Variants in SIK2 observed in about 807,000 individuals in gnomAD.
SIK2 encodes the protein serine/threonine-protein kinase SIK2.
A neutral mutation model predicts 103.2 loss-of-function variants in SIK2; 29 were observed. The ratio of observed to expected loss-of-function variants is 0.28; its 90% CI spans 0.21 to 0.38. The LOEUF (loss-of-function observed/expected upper bound fraction) is 0.38. SIK2 is among the 10% of genes least tolerant of loss of function. The pLI is 1.00. For synonymous variants in SIK2, 412 were observed against 446.1 expected, an observed-to-expected ratio of 0.92 and a Z score of 0.96; for missense variants, 879 against 1,171.0, an observed-to-expected ratio of 0.75 and a Z score of 3.64.
At chr11:111,624,071 A>G (rs1039725474) in intron 3 of SIK2, among the ~76,000 whole-genome samples, 9 of 152,226 alleles carry the variant, frequency 5.9e-5, no homozygotes, top group Non-Finnish European at 8.8e-5. Flanking sequence ...TTGTTGTTGA[A>G]GATGGGAAGG....
Position 111,722,027 on chromosome 11 carries a change from T to C in SIK2, c.2055+87T>C. 9.9e-7 allele frequency: 1 copy of C among 1,010,236 alleles called. No individual in the cohort carries two copies. Among genetic ancestry groups the C allele is most frequent in the South Asian group, 1.9e-5 (1 of 53,676 alleles). The allele number at this position is 1,010,236 out of a possible 1,614,324, so 62.6% of individuals were successfully genotyped here. On this transcript the variant is annotated intron_variant, in intron 13 of 14. Transcript: ENST00000304987. The surrounding 1 kb of genome is among the most constrained non-coding windows in gnomAD (Gnocchi z 4.4). ...AGCAGAAACGTGTTTTGCCTGGCATTTATTTAGGGTAGCTGCTTGATTCCT... is the reference window on the plus strand; with the variant it reads ...AGCAGAAACGTGTTTTGCCTGGCATCTATTTAGGGTAGCTGCTTGATTCCT...
chr11:111,712,596 G>A (rs1241930477), intron 9 of SIK2, among the ~76,000 whole-genome samples: 4 of 152,166 alleles, frequency 2.6e-5, no homozygotes, highest in Admixed American at 2.0e-4. Flanking sequence ...GTCAGACCTC[G>A]TGGACTTCTG....
At chr11:111,605,840 G>A (rs1317936319) in intron 1 of SIK2, among the ~76,000 whole-genome samples, 1 of 152,188 alleles carries the variant, frequency 6.6e-6, no homozygotes, top group Non-Finnish European at 1.5e-5. Flanking sequence ...CATTGTTTAT[G>A]AAATATAATT....
chr11:111,693,186 G>C (rs1942990655), intron 4 of SIK2, among the ~76,000 whole-genome samples: 1 of 152,128 alleles, frequency 6.6e-6, no homozygotes, highest in South Asian at 2.1e-4. Flanking sequence ...ACAAAAATTA[G>C]CTGGGCATGG....
chr11:111,610,367 G>C (rs1329106901), intron 1 of SIK2, among the ~76,000 whole-genome samples: 3 of 151,878 alleles, frequency 2.0e-5, no homozygotes, highest in Non-Finnish European at 4.4e-5. Context: ...GTGCATGCCT[G>C]TAATCCCAGC....
In SIK2 at chr11:111,703,387, G is replaced by A. The variant is rs1386983975; in HGVS notation, c.912G>A (p.Met304Ile). 1 of 1,613,876 alleles carries A rather than the reference G, an allele frequency of 6.2e-7. No homozygotes were observed. The highest frequency in any genetic ancestry group is 1.3e-5 in the African/African-American group (1 of 74,932). ...TTAATGAGCAGGTTCTGCGACTGAT[G>A]CACAGCCTTGGAATAGATCAGCAGA... ...GEFNEQVLRL[M>I]HSLGIDQQKT... The change falls in exon 7 of 15, where the codon ATG (methionine) becomes ATA (isoleucine). Residue 304 changes from methionine (M) to isoleucine (I), a missense_variant. Met to Ile is a conservative substitution (Grantham distance 10). Coordinates refer to ENST00000304987, the MANE Select transcript of SIK2 (RefSeq NM_015191.3).
Position 111,701,623 on chromosome 11 carries a change from C to A in SIK2, c.727+48C>A. The stretch of plus-strand genomic sequence containing the variant: ...AATGGTGTTTTACAGTGTTAGTGCT[C>A]CAAGTGAAATGCCTAGGTAAAAGCT... On this transcript the variant is annotated intron_variant, in intron 6 of 14. Coordinates refer to ENST00000304987, the MANE Select transcript of SIK2 (RefSeq NM_015191.3). This position sits in a 1 kb window ranked among gnomAD's most constrained non-coding sequence, Gnocchi z 4.2. The A allele has an allele frequency of 6.3e-7, 1 of 1,586,288 alleles. No homozygotes were observed. The highest frequency in any genetic ancestry group is 1.2e-5 in the South Asian group (1 of 86,652).
chr11:111,687,132 T>C (rs1274172817), intron 3 of SIK2, among the ~76,000 whole-genome samples: 1 of 152,174 alleles, frequency 6.6e-6, no homozygotes, highest in Admixed American at 6.5e-5. Context: ...AAAAAAATCA[T>C]GTTGAGTTGT....
chr11:111,629,531 G>C (rs1942009995), intron 3 of SIK2, among the ~76,000 whole-genome samples: 2 of 152,330 alleles, frequency 1.3e-5, no homozygotes, highest in South Asian at 4.1e-4. Context: ...TAGATTTTAA[G>C]TATGGTTTGG....
chr11:111,644,856 C>T (rs941471149), intron 3 of SIK2, among the ~76,000 whole-genome samples: 1 of 152,112 alleles, frequency 6.6e-6, no homozygotes, highest in African/African-American at 2.4e-5. Flanking sequence ...CACTGAGTAA[C>T]GCAGTTGTCC....
chr11:111,664,868 CT>C (rs1201884053), intron 3 of SIK2, among the ~76,000 whole-genome samples: 1 of 152,156 alleles, frequency 6.6e-6, no homozygotes, highest in East Asian at 1.9e-4. Context: ...CTTTCTTTTC[CT>C]TTTCCCCTAT....
chr11:111,610,816 AT>A (rs1210341816), intron 1 of SIK2, among the ~76,000 whole-genome samples: 21 of 152,296 alleles, frequency 1.4e-4, no homozygotes, highest in African/African-American at 5.1e-4. Context: ...GTTTTTTCTT[AT>A]TAGAAAAATA....
intron 3 of SIK2, among the ~76,000 whole-genome samples, chr11:111,635,295 A>G: frequency 6.6e-6 from 1 of 152,008 alleles, no homozygotes; most frequent in South Asian, 2.1e-4. Context: ...TGTGTTCTAA[A>G]AATGAAAGGG....
At chr11:111,616,403 G>C in intron 2 of SIK2, 44 bp downstream of exon 2, 6 of 1,067,690 alleles carry the variant, frequency 5.6e-6, no homozygotes, top group Non-Finnish European at 8.6e-6. Context: ...CCACAAGATA[G>C]TTCTCTATTT....
intron 4 of SIK2, among the ~76,000 whole-genome samples, chr11:111,697,408 A>C (rs1054119992): frequency 1.1e-4 from 17 of 152,216 alleles, no homozygotes; most frequent in African/African-American, 4.1e-4. Context: ...CTCCCGAGGA[A>C]CTTAGTCTGA....
At chr11:111,616,076 A>G (rs1467958545) in intron 1 of SIK2, among the ~76,000 whole-genome samples, 167 bp from the exon 2 acceptor site, 1 of 152,272 alleles carries the variant, frequency 6.6e-6, no homozygotes, top group Admixed American at 6.5e-5. Context: ...TACACATGGT[A>G]TTAGTTTAAG....
intron 8 of SIK2, among the ~76,000 whole-genome samples, chr11:111,710,888 C>A (rs1943476194): frequency 6.6e-6 from 1 of 152,176 alleles, no homozygotes; most frequent in Non-Finnish European, 1.5e-5. Flanking sequence ...ATTCACCATC[C>A]TGTATCCCTT....
At chr11:111,723,234 C>T (rs1228057532) in intron 14 of SIK2, among the ~76,000 whole-genome samples, 2 of 152,176 alleles carry the variant, frequency 1.3e-5, no homozygotes, top group East Asian at 3.9e-4. Context: ...ATCATCCTCT[C>T]ATTGTATAAA....
In SIK2 at chr11:111,724,501, G is replaced by T. The variant is rs1399489767; in HGVS notation, c.*372G>T. Reference sequence around the variant, plus strand: ...CAACCTTGGTGAAAGCAGAAAGGGTGTGTGCTATTGCATATATATGGGGGA... The same window carrying T: ...CAACCTTGGTGAAAGCAGAAAGGGTTTGTGCTATTGCATATATATGGGGGA... On this transcript the variant is annotated 3_prime_UTR_variant, in exon 15 of 15. Coordinates refer to ENST00000304987, the MANE Select transcript of SIK2 (RefSeq NM_015191.3). The T allele has an allele frequency of 4.3e-5, 10 of 230,254 alleles. No homozygotes were observed. The East Asian group carries it at 8.0e-4, about 18-fold the overall frequency. 14.3% of individuals were successfully genotyped at this position (230,254 alleles called of 1,614,324 possible).
Sources: gnomAD v4.1 joint callset for allele counts (sites outside exome capture counted in the v4.1 genomes callset) on GRCh38, gnomAD v4.1.1 for gene constraint, Gnocchi (gnomAD v3.1) non-coding constraint, MANE v1.5 for transcripts, NCBI Gene and HGNC (gene_info 2026-07-23, HGNC 2026-07-21) for gene names.